Variants in FRAS1 observed in about 807,000 individuals in gnomAD.
FRAS1 encodes Fraser extracellular matrix complex subunit 1.
A neutral mutation model predicts 435.2 loss-of-function variants in FRAS1; 290 were observed. The ratio of observed to expected loss-of-function variants is 0.67; its 90% CI spans 0.61 to 0.73. FRAS1 has a LOEUF of 0.73. Among genes scored for constraint, FRAS1 ranks in the 30% least tolerant of loss-of-function variants. The probability of loss-of-function intolerance (pLI) is 0.00; values close to 1 mark genes in which losing one functional copy is unlikely to be tolerated. For missense variants in FRAS1, 4,860 were observed against 5,001.5 expected (o/e 0.97, Z 0.85); for synonymous variants, 1,800 against 1,851.0 (o/e 0.97, Z 0.71).
intron 47 of FRAS1, among the ~76,000 whole-genome samples, chr4:78,455,547 G>A (rs1719165878): frequency 1.3e-5 from 2 of 152,202 alleles, no homozygotes; most frequent in Admixed American, 6.5e-5. Flanking sequence ...CACTGGTGCT[G>A]CAGACACCCT....
intron 35 of FRAS1, among the ~76,000 whole-genome samples, chr4:78,424,621 G>GA (rs371012798): frequency 6.6e-6 from 1 of 151,944 alleles, no homozygotes. Flanking sequence ...ATAGTCATAG[G>GA]AAAAAAATCT....
chr4:78,085,982 GCACCA>G (rs1284233050), intron 2 of FRAS1, among the ~76,000 whole-genome samples: 4 of 152,092 alleles, frequency 2.6e-5, no homozygotes, highest in Admixed American at 2.0e-4. Context: ...ATTCTTTTCA[GCACCA>G]CACCACACCT....
intron 14 of FRAS1, among the ~76,000 whole-genome samples, chr4:78,307,150 G>T (rs367655552): frequency 2.6e-5 from 4 of 152,162 alleles, no homozygotes; most frequent in East Asian, 1.9e-4. Flanking sequence ...TGCCCCTGCT[G>T]GGGGGTGCCT....
intron 2 of FRAS1, among the ~76,000 whole-genome samples, chr4:78,141,771 G>A (rs1397708159): frequency 6.6e-6 from 1 of 152,058 alleles, no homozygotes; most frequent in East Asian, 1.9e-4. Context: ...AGAAAGTGTG[G>A]TATATATATA....
At position 78,110,213 on chromosome 4, in the gene FRAS1, C is replaced by A. The variant is rs1249447166; in HGVS notation, c.108+44197C>A. On this transcript the variant is annotated intron_variant, in intron 2 of 73. Transcript: ENST00000512123. ...CAGATTCAATGCCATCCCCATCAAG[C>A]TACCAATGACTTTCTTCACAGAATT... is the stretch of plus-strand genomic sequence containing the variant. Among the ~76,000 whole-genome samples, 13 of 36,816 alleles carry A rather than the reference C, an allele frequency of 3.5e-4. 1 individual carries two copies. The highest frequency in any genetic ancestry group is 6.0e-4 in the Non-Finnish European group (13 of 21,744). The allele number at this position is 36,816 out of a possible 152,430, so 24.2% of individuals were successfully genotyped here. A position where few individuals can be genotyped will look rare whatever the true frequency, so the allele number is the denominator to read the frequency against.
chr4:78,162,472 G>A (rs1721183473), intron 2 of FRAS1, among the ~76,000 whole-genome samples: 1 of 152,292 alleles, frequency 6.6e-6, no homozygotes, highest in East Asian at 1.9e-4. Flanking sequence ...AGCAACCACT[G>A]TCCTTTCTGA....
chr4:78,243,849 G>A (rs191345588), intron 3 of FRAS1, among the ~76,000 whole-genome samples: 3 of 152,066 alleles, frequency 2.0e-5, no homozygotes, highest in Non-Finnish European at 2.9e-5. Context: ...CCTTGCTCCC[G>A]GCTTCCATGT....
intron 4 of FRAS1, among the ~76,000 whole-genome samples, chr4:78,249,048 G>GATATATATATATATTCATAT (rs1268017507): frequency 3.6e-5 from 1 of 27,530 alleles, no homozygotes; most frequent in Non-Finnish European, 8.6e-5. Flanking sequence ...AAGAACTACT[G>GATATATATATATATTCATAT]ATATATATAT....
At position 78,400,856 on chromosome 4, in the gene FRAS1, C is replaced by T. The variant is rs1027609786; in HGVS notation, c.4098C>T (p.Ile1366=). The change falls in exon 30 of 74, where the codon ATC becomes ATT. Residue 1366 remains isoleucine (I), a synonymous_variant. Transcript: ENST00000512123. ...EAPGASAEEI[I]YKITQDYPQF... ...CTGGTGCCAGTGCTGAAGAAATCATCTACAAGATTACACAAGACTACCCCC... is the reference window on the plus strand; with the variant it reads ...CTGGTGCCAGTGCTGAAGAAATCATTTACAAGATTACACAAGACTACCCCC... The T allele has an allele frequency of 5.6e-6, 9 of 1,613,602 alleles. No individual in the cohort carries two copies. Among genetic ancestry groups the T allele is most frequent in the Admixed American group, 5.0e-5 (3 of 59,970 alleles).
intron 2 of FRAS1, among the ~76,000 whole-genome samples, chr4:78,096,697 A>C (rs751224795): frequency 7.2e-5 from 11 of 152,208 alleles, no homozygotes; most frequent in South Asian, 2.1e-4. Context: ...CCATGGCTGG[A>C]GTAGCTCAGA....
At position 78,543,754 on chromosome 4, in the gene FRAS1, A is replaced by G. The variant is rs918673102; in HGVS notation, c.*2630A>G. ...TTCATTATAGGAATCAAGTAATTTG[A>G]TGACTAATGTGGATTATATTTCAGT... is the stretch of plus-strand genomic sequence containing the variant. On this transcript the variant is annotated 3_prime_UTR_variant, in exon 74 of 74. Transcript: ENST00000512123. 6.6e-6 allele frequency: 1 copy of G among 152,252 alleles called. No homozygotes were observed. The highest frequency in any genetic ancestry group is 6.5e-5 in the Admixed American group (1 of 15,288). The allele number at this position is 152,252 out of a possible 1,614,324, so 9.4% of individuals were successfully genotyped here.
At chr4:78,449,508 C>T (rs185233211) in intron 44 of FRAS1, among the ~76,000 whole-genome samples, 17 of 152,150 alleles carry the variant, frequency 1.1e-4, no homozygotes, top group South Asian at 2.1e-4. Context: ...TCTACTTTAC[C>T]GGGATTTACT....
At chr4:78,181,851 C>T (rs1278604795) in intron 2 of FRAS1, 4 of 1,611,944 alleles carry the variant, frequency 2.5e-6, no homozygotes, top group Admixed American at 3.3e-5. Flanking sequence ...TGTTTGCCTG[C>T]CGCGTTGGAG....
intron 29 of FRAS1, among the ~76,000 whole-genome samples, chr4:78,395,681 C>G (rs1421560293): frequency 6.6e-6 from 1 of 151,850 alleles, no homozygotes; most frequent in Non-Finnish European, 1.5e-5. Flanking sequence ...CATCTCTGTT[C>G]TCTTTTGGTT....
Position 78,333,504 on chromosome 4 carries a change from C to G in FRAS1, c.2278+92C>G, listed in dbSNP as rs919721979. On this transcript the variant is annotated intron_variant, in intron 19 of 73. Transcript: ENST00000512123. ...ACTGTAATTAGAAACCTTGTCATACCGGGGACTAAGATTCAGCTGTAAATC... is the reference window on the plus strand; with the variant it reads ...ACTGTAATTAGAAACCTTGTCATACGGGGGACTAAGATTCAGCTGTAAATC... The G allele has an allele frequency of 1.9e-5, 25 of 1,312,730 alleles. No homozygotes were observed. In the African/African-American group the frequency reaches 2.9e-4, roughly 15 times the overall value. 81.3% of individuals were successfully genotyped at this position (1,312,730 alleles called of 1,614,324 possible). A position where few individuals can be genotyped will look rare whatever the true frequency, so the allele number is the denominator to read the frequency against.
At chr4:78,333,848 G>T (rs1730046163) in intron 19 of FRAS1, among the ~76,000 whole-genome samples, 2 of 152,184 alleles carry the variant, frequency 1.3e-5, no homozygotes, top group Admixed American at 6.5e-5. Flanking sequence ...TGCCAAGCTG[G>T]AGTGCAGTGG....
At chr4:78,514,937 G>A (rs1443790002) in intron 65 of FRAS1, among the ~76,000 whole-genome samples, 3 of 151,938 alleles carry the variant, frequency 2.0e-5, no homozygotes, top group East Asian at 1.9e-4. Context: ...GTGTGGTGAC[G>A]TGCACCTGTA....
rs1248742535 is a variant in FRAS1, at chr4:78,400,668, T to C, written c.3976-66T>C. ...AACAACAACAGAACTGGATAACTTATGTGTTTAAGGATTGATATATTCTTA... is the reference window on the plus strand; with the variant it reads ...AACAACAACAGAACTGGATAACTTACGTGTTTAAGGATTGATATATTCTTA... On this transcript the variant is annotated intron_variant, in intron 29 of 73. Coordinates refer to ENST00000512123, the MANE Select transcript of FRAS1 (RefSeq NM_025074.7). The C allele has an allele frequency of 6.1e-6, 9 of 1,467,212 alleles. No homozygotes were observed. The East Asian group carries it at 9.3e-5, about 15-fold the overall frequency. 90.9% of individuals were successfully genotyped at this position (1,467,212 alleles called of 1,614,324 possible).
intron 27 of FRAS1, among the ~76,000 whole-genome samples, chr4:78,383,576 G>A (rs1266019485): frequency 1.3e-5 from 2 of 152,096 alleles, no homozygotes; most frequent in Non-Finnish European, 2.9e-5. Flanking sequence ...GAGGGGAGAT[G>A]AACAGCCGTG....
Sources: allele counts gnomAD v4.1 joint callset (sites outside exome capture counted in the v4.1 genomes callset), GRCh38; gene constraint gnomAD v4.1.1; transcripts MANE v1.5; gene names NCBI Gene and HGNC (gene_info 2026-07-23, HGNC 2026-07-21).